TENM2: variants seen among roughly 807,000 people sequenced by gnomAD.
TENM2 encodes teneurin transmembrane protein 2, also known as teneurin-2.
TENM2 carries 52 observed loss-of-function variants against 245.2 expected under a neutral mutation model. The ratio of observed to expected loss-of-function variants is 0.21; its 90% CI spans 0.17 to 0.27. The LOEUF (loss-of-function observed/expected upper bound fraction) is 0.27, where lower values mean the gene tolerates loss of function less well. Among genes scored for constraint, TENM2 ranks in the 10% least tolerant of loss-of-function variants. TENM2 has a pLI of 1.00. For missense variants in TENM2, 3,046 were observed against 3,666.8 expected, an observed-to-expected ratio of 0.83 and a Z score of 4.37; for synonymous variants, 1,363 against 1,438.9, an observed-to-expected ratio of 0.95 and a Z score of 1.19.
chr5:167,358,432 G>A (rs928604470), intron 1 of TENM2, among the ~76,000 whole-genome samples: 6 of 149,202 alleles, frequency 4.0e-5, no homozygotes, highest in African/African-American at 1.5e-4. Flanking sequence ...CCATACACTC[G>A]TGGCTTTCCT....
intron 5 of TENM2, among the ~76,000 whole-genome samples, chr5:168,046,498 G>A (rs1788619044): frequency 1.3e-5 from 2 of 152,164 alleles, no homozygotes; most frequent in Middle Eastern, 3.2e-3. Context: ...ATTCCACTCA[G>A]TAGAAAAAAC....
At chr5:167,416,012 A>T (rs1763150682) in intron 2 of TENM2, among the ~76,000 whole-genome samples, 1 of 152,178 alleles carries the variant, frequency 6.6e-6, no homozygotes, top group African/African-American at 2.4e-5. Context: ...GCACTTAGCC[A>T]TGCAATTTAT....
chr5:167,000,164 A>G, the TENM2 span, among the ~76,000 whole-genome samples: 1 of 152,188 alleles, frequency 6.6e-6, no homozygotes, highest in Non-Finnish European at 1.5e-5. Flanking sequence ...TGGAAGAGAG[A>G]TCTACATTGG....
chr5:167,313,325 T>C (rs1435042670), intron 1 of TENM2, among the ~76,000 whole-genome samples: 5 of 152,158 alleles, frequency 3.3e-5, no homozygotes. Context: ...AGAAAACGAA[T>C]TGTCTTGGGC....
chr5:167,954,160 C>T (rs1429395965), intron 4 of TENM2, among the ~76,000 whole-genome samples: 4 of 151,978 alleles, frequency 2.6e-5, no homozygotes, highest in South Asian at 2.1e-4. Flanking sequence ...AAATACCTAA[C>T]GTGTGTGCAC....
intron 13 of TENM2, among the ~76,000 whole-genome samples, 183 bp from the exon 16 acceptor site, chr5:168,190,154 T>C (rs1429706020): frequency 6.6e-6 from 1 of 152,156 alleles, no homozygotes; most frequent in Non-Finnish European, 1.5e-5. Context: ...TTCCTTTCAG[T>C]CTTTTATTTT....
chr5:168,073,945 C>T (rs1695774695), intron 7 of TENM2, among the ~76,000 whole-genome samples: 1 of 152,204 alleles, frequency 6.6e-6, no homozygotes, highest in African/African-American at 2.4e-5. Context: ...AGAGCTAGCC[C>T]TGCCCTCATG....
chr5:167,251,438 T>C, the TENM2 span, among the ~76,000 whole-genome samples: 392 of 152,262 alleles, frequency 2.6e-3, no homozygotes, highest in African/African-American at 9.1e-3. Flanking sequence ...ATATCTATTA[T>C]GCTTTTAGAT....
At chr5:167,351,848 AAAAAC>A (rs1470179015) in intron 1 of TENM2, among the ~76,000 whole-genome samples, 3 of 97,168 alleles carry the variant, frequency 3.1e-5, no homozygotes, top group East Asian at 2.9e-4. Context: ...ACAAAAACAA[AAAAAC>A]AAAAAAAAAA....
At chr5:167,019,252 T>G in the TENM2 span, among the ~76,000 whole-genome samples, 1 of 152,130 alleles carries the variant, frequency 6.6e-6, no homozygotes, top group South Asian at 2.1e-4. Flanking sequence ...TATTTCCAGG[T>G]AGAGAAGGAC....
chr5:167,814,734 C>T (rs1334776556), intron 2 of TENM2, among the ~76,000 whole-genome samples: 1 of 151,646 alleles, frequency 6.6e-6, no homozygotes, highest in Non-Finnish European at 1.5e-5. Context: ...ACAGCTAGCA[C>T]ATCCAAGCTG....
intron 2 of TENM2, among the ~76,000 whole-genome samples, chr5:167,495,370 T>G (rs1768746103): frequency 6.6e-6 from 1 of 151,948 alleles, no homozygotes; most frequent in African/African-American, 2.4e-5. Context: ...CAGCCTACAG[T>G]GGCAACCCCT....
chr5:167,008,935 C>T, the TENM2 span, among the ~76,000 whole-genome samples: 4 of 152,154 alleles, frequency 2.6e-5, no homozygotes, highest in South Asian at 6.2e-4. Context: ...ATCGGTCCTG[C>T]AGAATGTCCC....
chr5:167,208,232 G>T, the TENM2 span, among the ~76,000 whole-genome samples: 1 of 152,170 alleles, frequency 6.6e-6, no homozygotes, highest in Non-Finnish European at 1.5e-5. Context: ...TCCTTGCCAG[G>T]CATTTCATGT....
intron 8 of TENM2, among the ~76,000 whole-genome samples, chr5:168,096,294 G>A (rs1298582321): frequency 6.6e-6 from 1 of 152,104 alleles, no homozygotes; most frequent in African/African-American, 2.4e-5. Flanking sequence ...ATCTACAAAA[G>A]CACCTAACGC....
At chr5:167,280,736 A>ATCTGTCTG (rs770240667), upstream of TENM2, among the ~76,000 whole-genome samples, 25 of 146,194 alleles carry the variant, frequency 1.7e-4, no homozygotes, top group South Asian at 4.5e-4. Context: ...ATCTATATCT[A>ATCTGTCTG]TCTGTCTGTC....
intron 2 of TENM2, among the ~76,000 whole-genome samples, chr5:167,579,014 C>T (rs1309008912): frequency 1.3e-5 from 2 of 152,174 alleles, no homozygotes; most frequent in East Asian, 3.9e-4. Flanking sequence ...CACCTCAAAA[C>T]CAAACTGTAG....
chr5:167,120,609 C>T, the TENM2 span, among the ~76,000 whole-genome samples: 1 of 152,210 alleles, frequency 6.6e-6, no homozygotes, highest in Admixed American at 6.5e-5. Flanking sequence ...GTACCTCTTG[C>T]TGCCCTCTCT....
intron 2 of TENM2, among the ~76,000 whole-genome samples, chr5:167,433,767 C>G (rs945862652): frequency 1.3e-5 from 2 of 151,916 alleles, no homozygotes; most frequent in African/African-American, 4.8e-5. Context: ...ATGATAAACT[C>G]TAAGAAACAT....
Sources: gnomAD v4.1 joint callset for allele counts (sites outside exome capture counted in the v4.1 genomes callset) on GRCh38, gnomAD v4.1.1 for gene constraint, MANE v1.5 for transcripts, NCBI Gene and HGNC (gene_info 2026-07-23, HGNC 2026-07-21) for gene names.